NEO1: variants seen among roughly 807,000 people sequenced by gnomAD.
The protein encoded by NEO1 is neogenin.
A neutral mutation model predicts 159.7 loss-of-function variants in NEO1; 63 were observed. The observed-to-expected ratio is 0.39, with a 90% CI of 0.32 to 0.49. The LOEUF is 0.49. Ranked by LOEUF, NEO1 falls within the 20% of genes least tolerant of loss-of-function variation. The pLI is 0.85. For synonymous variants in NEO1, 633 were observed against 662.0 expected (o/e 0.96, Z 0.67); for missense variants, 1,615 against 1,831.0 (o/e 0.88, Z 2.15).
intron 7 of NEO1, among the ~76,000 whole-genome samples, chr15:73,184,799 A>G (rs1372830762): frequency 6.6e-6 from 1 of 152,056 alleles, no homozygotes; most frequent in Non-Finnish European, 1.5e-5. Flanking sequence ...GTAGTGGTGC[A>G]TGCCTGTAAT....
intron 5 of NEO1, among the ~76,000 whole-genome samples, chr15:73,161,226 A>C (rs935593097): frequency 1.3e-5 from 2 of 152,124 alleles, no homozygotes; most frequent in African/African-American, 2.4e-5. Context: ...CTTTTATGGC[A>C]GTGTTTGGTT....
intron 7 of NEO1, among the ~76,000 whole-genome samples, chr15:73,197,115 T>G (rs1252206931): frequency 6.6e-6 from 1 of 152,200 alleles, no homozygotes; most frequent in African/African-American, 2.4e-5. Flanking sequence ...ATCCCAGCAC[T>G]TTGGGAGGCC....
At chr15:73,099,268 T>G (rs926376729) in intron 1 of NEO1, among the ~76,000 whole-genome samples, 2 of 152,218 alleles carry the variant, frequency 1.3e-5, no homozygotes, top group African/African-American at 2.4e-5. Flanking sequence ...ATCAAACTTT[T>G]AAGAGCTCAA....
intron 1 of NEO1, among the ~76,000 whole-genome samples, chr15:73,078,435 A>G (rs754104805): frequency 2.6e-5 from 4 of 152,210 alleles, no homozygotes; most frequent in Admixed American, 6.5e-5. Flanking sequence ...GATGTCTTCA[A>G]GGATGATTCA....
intron 15 of NEO1, among the ~76,000 whole-genome samples, chr15:73,263,939 A>G (rs2040763377): frequency 6.6e-6 from 1 of 152,218 alleles, no homozygotes. Context: ...TAATCCCAGC[A>G]CTTTGGGAGG....
chr15:73,122,918 C>G (rs1482107758), intron 3 of NEO1, 118 bp downstream of exon 3: 11 of 1,274,914 alleles, frequency 8.6e-6, no homozygotes, highest in Admixed American at 8.1e-5. Context: ...ACCTGTAATC[C>G]CAGCACTTTG....
At chr15:73,251,564 C>T (rs901448118) in intron 11 of NEO1, among the ~76,000 whole-genome samples, 2 of 149,720 alleles carry the variant, frequency 1.3e-5, no homozygotes, top group South Asian at 2.1e-4. Context: ...AAATTACAGG[C>T]GGTTATACCT....
intron 9 of NEO1, among the ~76,000 whole-genome samples, chr15:73,245,722 C>G (rs1422447778): frequency 6.6e-6 from 1 of 151,370 alleles, no homozygotes; most frequent in Non-Finnish European, 1.5e-5. Context: ...CTACAGGTGC[C>G]TGCCACCATG....
chr15:73,218,615 G>C (rs1386819357), intron 7 of NEO1, among the ~76,000 whole-genome samples: 1 of 151,786 alleles, frequency 6.6e-6, no homozygotes, highest in African/African-American at 2.4e-5. Flanking sequence ...CCTGTTATTG[G>C]TCTATTCAGA....
Position 73,270,147 on chromosome 15 carries a change from T to C in NEO1, c.2632T>C (p.Ser878Pro). 6.2e-7 allele frequency: 1 copy of C among 1,614,160 alleles called. No homozygotes were observed. Among genetic ancestry groups the C allele is most frequent in the Non-Finnish European group, 8.5e-7 (1 of 1,180,028 alleles). ...DTIRITWADN[S>P]LPKHQKITDS... is the part of the protein sequence containing the mutation. ...CATCAGGATTACGTGGGCAGACAAC[T>C]CGCTGCCCAAGCACCAGAAGATTAC... Residue 878 changes from serine (S) to proline (P), a missense_variant, in exon 17 of 29, where the codon TCG (serine) becomes CCG (proline). Around this residue, in one of 3 missense-constraint regions of NEO1, gnomAD observed 1,018 missense variants for 1,115.4 expected, o/e 0.91. Transcript: ENST00000261908.
intron 1 of NEO1, among the ~76,000 whole-genome samples, chr15:73,056,246 C>T (rs1043601281): frequency 5.3e-5 from 8 of 152,206 alleles, no homozygotes; most frequent in African/African-American, 9.7e-5. Flanking sequence ...TTCAGATCTC[C>T]GTGCCTTTGC....
rs772513122 is a variant in NEO1 at position 73,301,673 on chromosome 15, CTT to C, written c.4302+227_4302+228del. On this transcript the variant is annotated intron_variant, in intron 28 of 28. Coordinates refer to ENST00000261908, the MANE Select transcript of NEO1 (RefSeq NM_002499.4). ...GTGTGCTTTCTTTCCCATATCCACT[CTT>C]TTTTTTTTTTGAGACAGAATCTTGC... 1.7e-3 allele frequency: 773 copies of C among 464,522 alleles called. 1 individual carries two copies. The highest frequency in any genetic ancestry group is 5.0e-3 in the Middle Eastern group (8 of 1,586). 28.8% of individuals were successfully genotyped at this position (464,522 alleles called of 1,614,324 possible).
chr15:73,235,026 T>C (rs2039098591), intron 7 of NEO1, among the ~76,000 whole-genome samples: 1 of 152,208 alleles, frequency 6.6e-6, no homozygotes, highest in Admixed American at 6.5e-5. Context: ...ATGTAAGGTA[T>C]TCAAGAAGTG....
chr15:73,235,444 A>G (rs1333966970), intron 7 of NEO1, among the ~76,000 whole-genome samples: 1 of 152,162 alleles, frequency 6.6e-6, no homozygotes, highest in Non-Finnish European at 1.5e-5. Context: ...GCTGCCTTGG[A>G]AGTTATGAAG....
intron 1 of NEO1, among the ~76,000 whole-genome samples, chr15:73,060,896 C>T (rs1025043049): frequency 2.6e-5 from 4 of 151,964 alleles, no homozygotes; most frequent in South Asian, 2.1e-4. Context: ...GCAATCTACC[C>T]GCCTCAGCCT....
chr15:73,244,983 A>AT (rs2039707127), intron 9 of NEO1, among the ~76,000 whole-genome samples: 1 of 148,450 alleles, frequency 6.7e-6, no homozygotes, highest in Non-Finnish European at 1.5e-5. Context: ...AAAAAAAAAA[A>AT]CAACAGCAAA....
At chr15:73,085,336 A>G (rs1341159730) in intron 1 of NEO1, among the ~76,000 whole-genome samples, 2 of 152,132 alleles carry the variant, frequency 1.3e-5, no homozygotes, top group Admixed American at 6.5e-5. Flanking sequence ...GTAGTATTCC[A>G]TTGTATGAAT....
intron 1 of NEO1, among the ~76,000 whole-genome samples, chr15:73,069,495 A>G (rs1310553084): frequency 1.3e-5 from 2 of 151,988 alleles, no homozygotes; most frequent in African/African-American, 2.4e-5. Context: ...TTGAATATCA[A>G]TTAATATATA....
chr15:73,163,132 T>C (rs1444925508), intron 5 of NEO1, among the ~76,000 whole-genome samples: 2 of 152,220 alleles, frequency 1.3e-5, no homozygotes, highest in African/African-American at 2.4e-5. Flanking sequence ...TTTGTAGTTA[T>C]GAATTTGGTT....
Sources: gnomAD v4.1 joint callset for allele counts (sites outside exome capture counted in the v4.1 genomes callset) on GRCh38, gnomAD v4.1.1 for gene constraint, gnomAD v4.1.1 regional missense constraint, MANE v1.5 for transcripts, NCBI Gene and HGNC (gene_info 2026-07-23, HGNC 2026-07-21) for gene names.